NXPE2: variants seen among roughly 807,000 people sequenced by gnomAD.
NXPE2 encodes NXPE family member 2.
In NXPE2, 34 loss-of-function variants were observed where a neutral mutation model predicts 34.4. The observed-to-expected ratio is 0.99, with a 90% CI of 0.75 to 1.31. NXPE2 has a LOEUF of 1.31. Among genes scored for constraint, NXPE2 ranks in the 40% most tolerant of loss-of-function variants. The probability of loss-of-function intolerance (pLI) is 0.00; values close to 1 mark genes in which losing one functional copy is unlikely to be tolerated. For missense variants in NXPE2, 649 were observed against 672.5 expected (o/e 0.97, Z 0.39); for synonymous variants, 235 against 231.3 (o/e 1.02, Z -0.15).
chr11:114,808,283 A>G, the NXPE2 span, among the ~76,000 whole-genome samples: 1 of 152,132 alleles, frequency 6.6e-6, no homozygotes, highest in African/African-American at 2.4e-5. Flanking sequence ...AATTAAAAGA[A>G]TTAGAAAAGC....
At chr11:114,781,835 G>A in the NXPE2 span, among the ~76,000 whole-genome samples, 2 of 152,176 alleles carry the variant, frequency 1.3e-5, no homozygotes, top group Admixed American at 1.3e-4. Context: ...AGCTATGCAG[G>A]ATGGATGACA....
At chr11:114,551,841 G>T in the NXPE2 span, 2 of 152,228 alleles carry the variant, frequency 1.3e-5, no homozygotes, top group African/African-American at 2.4e-5. Flanking sequence ...GAGAGAGATG[G>T]AGAGAGAGAG....
chr11:114,705,433 G>T (rs1197773769), intron 4 of NXPE2, among the ~76,000 whole-genome samples: 1 of 152,132 alleles, frequency 6.6e-6, no homozygotes, highest in Non-Finnish European at 1.5e-5. Flanking sequence ...GTAATATTTG[G>T]CAGGGCCACT....
the NXPE2 span, among the ~76,000 whole-genome samples, chr11:114,472,733 A>G: frequency 6.6e-6 from 1 of 152,192 alleles, no homozygotes; most frequent in African/African-American, 2.4e-5. Context: ...TCTCTTTTAT[A>G]AAAGCACTAA....
At chr11:114,609,218 G>A in the NXPE2 span, among the ~76,000 whole-genome samples, 2 of 151,766 alleles carry the variant, frequency 1.3e-5, no homozygotes, top group South Asian at 2.1e-4. Flanking sequence ...CAGATACTGA[G>A]TTTTGCTTCG....
chr11:114,487,574 TG>T, the NXPE2 span, among the ~76,000 whole-genome samples: 1 of 152,160 alleles, frequency 6.6e-6, no homozygotes, highest in South Asian at 2.1e-4. Context: ...GTTGTAAAAC[TG>T]GGCATACTTG....
At chr11:114,749,960 C>CT in the NXPE2 span, among the ~76,000 whole-genome samples, 3 of 152,204 alleles carry the variant, frequency 2.0e-5, no homozygotes, top group Non-Finnish European at 4.4e-5. Flanking sequence ...AGACTCTCTT[C>CT]TCTCCTTCCT....
At chr11:114,626,495 G>A in the NXPE2 span, among the ~76,000 whole-genome samples, 1 of 152,150 alleles carries the variant, frequency 6.6e-6, no homozygotes, top group Non-Finnish European at 1.5e-5. Flanking sequence ...CTAACAGAAA[G>A]GACATCCACA....
the NXPE2 span, among the ~76,000 whole-genome samples, chr11:114,720,691 T>C: frequency 6.6e-6 from 1 of 152,242 alleles, no homozygotes; most frequent in South Asian, 2.1e-4. Context: ...GTTGAAATGA[T>C]TATAGGTTGA....
chr11:114,647,379 T>C, the NXPE2 span, among the ~76,000 whole-genome samples: 2,232 of 152,260 alleles, frequency 0.015, 42 homozygotes, highest in African/African-American at 0.051. Context: ...TTATATAAGA[T>C]AGAAGGAGTT....
the NXPE2 span, among the ~76,000 whole-genome samples, chr11:114,667,421 TA>T: frequency 6.6e-6 from 1 of 152,144 alleles, no homozygotes; most frequent in African/African-American, 2.4e-5. Flanking sequence ...ATCCATTAAT[TA>T]AACACGCAAC....
the NXPE2 span, chr11:114,583,654 T>C: frequency 1.7e-5 from 10 of 588,164 alleles, 1 homozygote; most frequent in South Asian, 1.2e-4. Flanking sequence ...CTGCTGTGAA[T>C]TGGGCTGGAG....
chr11:114,757,571 C>A, the NXPE2 span, among the ~76,000 whole-genome samples: 1 of 152,136 alleles, frequency 6.6e-6, no homozygotes, highest in Non-Finnish European at 1.5e-5. Flanking sequence ...AATATTGTTA[C>A]CCCCATTAGT....
the NXPE2 span, among the ~76,000 whole-genome samples, chr11:114,646,870 A>G: frequency 6.6e-6 from 1 of 152,232 alleles, no homozygotes; most frequent in East Asian, 1.9e-4. Flanking sequence ...AACAAAAAAC[A>G]GAGCAAAGGA....
Position 114,706,870 on chromosome 11 carries a change from C to G in NXPE2, c.1620C>G (p.Ala540=). 1 of 1,551,708 alleles carries G rather than the reference C, an allele frequency of 6.4e-7. No homozygotes were observed. Residue 540 remains alanine, a synonymous_variant, in exon 6 of 6, where the codon GCC becomes GCG. Transcript: ENST00000389586. ...CGATTGCATATTGCACCAACAATGC[C>G]CATCCACCGGATTATGTGATTCAAA... ...DMTIAYCTNN[A]HPPDYVIQNQ...
chr11:114,776,475 C>A, the NXPE2 span, among the ~76,000 whole-genome samples: 1 of 152,222 alleles, frequency 6.6e-6, no homozygotes, highest in East Asian at 1.9e-4. Flanking sequence ...TGGCTCGAGG[C>A]AGTGCTCTCC....
At chr11:114,753,629 C>G in the NXPE2 span, among the ~76,000 whole-genome samples, 1 of 152,140 alleles carries the variant, frequency 6.6e-6, no homozygotes, top group African/African-American at 2.4e-5. Flanking sequence ...TGAGGAGGCT[C>G]TCACTAGATA....
chr11:114,627,891 T>C, the NXPE2 span, among the ~76,000 whole-genome samples: 13 of 151,488 alleles, frequency 8.6e-5, no homozygotes, highest in African/African-American at 2.9e-4. Context: ...TAAAACAGAC[T>C]TTAAACCAAC....
the NXPE2 span, among the ~76,000 whole-genome samples, chr11:114,725,261 A>C: frequency 6.6e-6 from 1 of 152,254 alleles, no homozygotes; most frequent in Admixed American, 6.5e-5. Context: ...GCTTGTTAAC[A>C]AGTGTGTTGT....
Sources: allele counts gnomAD v4.1 joint callset (sites outside exome capture counted in the v4.1 genomes callset), GRCh38; gene constraint gnomAD v4.1.1; transcripts MANE v1.5; gene names NCBI Gene and HGNC (gene_info 2026-07-23, HGNC 2026-07-21).